Variants in DAZAP1 observed in about 807,000 individuals in gnomAD.
The protein encoded by DAZAP1 is DAZ-associated protein 1.
A neutral mutation model predicts 60.1 loss-of-function variants in DAZAP1; 6 were observed. The ratio of observed to expected loss-of-function variants is 0.10; its 90% CI spans 0.05 to 0.20. The LOEUF (loss-of-function observed/expected upper bound fraction) is 0.20. DAZAP1 is among the 10% of genes least tolerant of loss of function. The pLI, the probability that DAZAP1 is intolerant of heterozygous loss-of-function variation, is 1.00. For synonymous variants in DAZAP1, 235 were observed against 215.9 expected (o/e 1.09, Z -0.78); for missense variants, 366 against 560.4 (o/e 0.65, Z 3.50).
chr19:1,413,651 G>A (rs2144725745), intron 1 of DAZAP1, among the ~76,000 whole-genome samples: 1 of 152,342 alleles, frequency 6.6e-6, no homozygotes, highest in South Asian at 2.1e-4. Flanking sequence ...GAAACACACA[G>A]TGTGGCCGCG....
At chr19:1,421,072 C>T (rs2083141342) in intron 4 of DAZAP1, 76 bp from the exon 5 acceptor site, 5 of 1,372,208 alleles carry the variant, frequency 3.6e-6, no homozygotes, top group East Asian at 4.6e-5. Flanking sequence ...GCGGATTGGC[C>T]TTTATGTCCT....
chr19:1,407,757 TCGCCGCCGC>T lies in DAZAP1; in HGVS notation c.-9_-1del. The T allele has an allele frequency of 3.7e-6, 4 of 1,080,464 alleles. No homozygotes were observed. The highest frequency in any genetic ancestry group is 5.6e-5 in the East Asian group (1 of 17,844). 66.9% of individuals were successfully genotyped at this position (1,080,464 alleles called of 1,614,324 possible). On this transcript the variant is annotated 5_prime_UTR_variant, in exon 1 of 12. Transcript: ENST00000233078. ...CGAGGAGGCCCGGGAGCGCCGAGCG[TCGCCGCCGC>T]CGCCGCCATGAACAACTCGGGCGCC... is the stretch of plus-strand genomic sequence containing the variant.
intron 4 of DAZAP1, among the ~76,000 whole-genome samples, chr19:1,419,547 C>T (rs1366792702): frequency 2.0e-5 from 3 of 152,228 alleles, no homozygotes; most frequent in East Asian, 1.9e-4. Context: ...CAGGGAATCC[C>T]GTGTCATCTG....
rs1344079080 is a variant in DAZAP1, at chr19:1,426,260, C to T, written c.546+300C>T. 7 of 395,124 alleles carry T rather than the reference C, an allele frequency of 1.8e-5. No homozygotes were observed. The highest frequency in any genetic ancestry group is 4.1e-5 in the African/African-American group (2 of 48,650). 24.5% of individuals were successfully genotyped at this position (395,124 alleles called of 1,614,324 possible). ...GGCTGTGGCGGTGTTGGGGCTGGCT[C>T]CAGTGAAACCGCAGCGTTGCCTCAG... On this transcript the variant is annotated intron_variant, in intron 7 of 11. Transcript: ENST00000233078. The surrounding 1 kb of genome is among the most constrained non-coding windows in gnomAD (Gnocchi z 5.4).
Position 1,418,031 on chromosome 19 carries a change from G to C in DAZAP1, c.71-173G>C, listed in dbSNP as rs1485363988. On this transcript the variant is annotated intron_variant, in intron 2 of 11. Coordinates refer to ENST00000233078, the MANE Select transcript of DAZAP1 (RefSeq NM_018959.4). This position sits in a 1 kb window ranked among gnomAD's most constrained non-coding sequence, Gnocchi z 5.7. ...CCCCTGATTTACGTGAGGACCTCAA[G>C]TGTGTGTTGGGCAGAATTCCCCAGC... 6.6e-6 allele frequency among the ~76,000 whole-genome samples: 1 copy of C among 152,196 alleles called. No individual in the cohort carries two copies. Among genetic ancestry groups the C allele is most frequent in the Non-Finnish European group, 1.5e-5 (1 of 68,034 alleles).
Position 1,407,639 on chromosome 19 carries a change from C to T in DAZAP1, c.-135C>T. 3 of 894,774 alleles carry T rather than the reference C, an allele frequency of 3.4e-6. No individual in the cohort carries two copies. The highest frequency in any genetic ancestry group is 4.0e-6 in the Non-Finnish European group (3 of 745,858). 55.4% of individuals were successfully genotyped at this position (894,774 alleles called of 1,614,324 possible). The stretch of plus-strand genomic sequence containing the variant: ...GAGGCAGCCGCCGCCGCCGCCGCCG[C>T]CGCCGCCGCCGCCGCCGCCGCCGTT... On this transcript the variant is annotated 5_prime_UTR_variant, in exon 1 of 12. Coordinates refer to ENST00000233078, the MANE Select transcript of DAZAP1 (RefSeq NM_018959.4).
intron 1 of DAZAP1, among the ~76,000 whole-genome samples, chr19:1,411,206 G>C (rs1429219899): frequency 1.3e-5 from 2 of 152,212 alleles, no homozygotes; most frequent in African/African-American, 4.8e-5. Context: ...GGCTCTCTTG[G>C]TGCATTTGGA....
Position 1,425,174 on chromosome 19 carries a change from A to G in DAZAP1, c.464-704A>G, listed in dbSNP as rs2144853486. On this transcript the variant is annotated intron_variant, in intron 6 of 11. Coordinates refer to ENST00000233078, the MANE Select transcript of DAZAP1 (RefSeq NM_018959.4). This position sits in a 1 kb window ranked among gnomAD's most constrained non-coding sequence, Gnocchi z 5.4. ...GTTTCTCTACCTGTATAGAACATGC[A>G]TAGATGTCTACGATATGACCTCTTC... is the stretch of plus-strand genomic sequence containing the variant. Among the ~76,000 whole-genome samples, 1 of 152,324 alleles carries G rather than the reference A, an allele frequency of 6.6e-6. No homozygotes were observed. The highest frequency in any genetic ancestry group is 1.9e-4 in the East Asian group (1 of 5,182).
intron 10 of DAZAP1, among the ~76,000 whole-genome samples, chr19:1,431,496 C>A (rs1814125792): frequency 6.6e-6 from 1 of 152,038 alleles, no homozygotes; most frequent in Non-Finnish European, 1.5e-5. Context: ...GTGCCCCGAT[C>A]TTGGCTCACT....
rs2083512789 is a variant in DAZAP1 at position 1,433,602 on chromosome 19, C to T, written c.1048+912C>T. 2.9e-6 allele frequency: 2 copies of T among 689,760 alleles called. No homozygotes were observed. Among genetic ancestry groups the T allele is most frequent in the African/African-American group, 1.8e-5 (1 of 55,746 alleles). 42.7% of individuals were successfully genotyped at this position (689,760 alleles called of 1,614,324 possible). ...GGTTGCCGCATGTGTGGGTTCTTGA[C>T]CCACTCACCACCAAACCCTGGCGTG... On this transcript the variant is annotated intron_variant, in intron 11 of 11. Transcript: ENST00000233078. This position sits in a 1 kb window ranked among gnomAD's most constrained non-coding sequence, Gnocchi z 6.1.
In DAZAP1 at chr19:1,422,767, T is replaced by A. The variant is rs2083195138; in HGVS notation, c.463+371T>A. On this transcript the variant is annotated intron_variant, in intron 6 of 11. Transcript: ENST00000233078. This position sits in a 1 kb window ranked among gnomAD's most constrained non-coding sequence, Gnocchi z 4.5. ...GTCTCATTTCGTGTCGTCAGCTGGG[T>A]CAGCTGGCTCGGTGTGGAGTTTGGA... is the stretch of plus-strand genomic sequence containing the variant. 6.6e-6 allele frequency among the ~76,000 whole-genome samples: 1 copy of A among 152,120 alleles called. No homozygotes were observed. Among genetic ancestry groups the A allele is most frequent in the Non-Finnish European group, 1.5e-5 (1 of 68,008 alleles).
chr19:1,408,416 G>A (rs1378004734), intron 1 of DAZAP1, among the ~76,000 whole-genome samples: 1 of 152,358 alleles, frequency 6.6e-6, no homozygotes, highest in East Asian at 1.9e-4. Context: ...GTGGTCCGGG[G>A]CGCCCCCAGC....
chr19:1,408,319 C>T (rs2082724370), intron 1 of DAZAP1, among the ~76,000 whole-genome samples: 1 of 151,608 alleles, frequency 6.6e-6, no homozygotes, highest in Admixed American at 6.6e-5. Context: ...GAATGAGAAC[C>T]TGAGGGAGTC....
At chr19:1,431,795 T>G (rs1296428753) in intron 10 of DAZAP1, among the ~76,000 whole-genome samples, 1 of 152,104 alleles carries the variant, frequency 6.6e-6, no homozygotes, top group Non-Finnish European at 1.5e-5. Context: ...TAGCCAGGGA[T>G]TGCACCTCAC....
At chr19:1,417,185 G>A in intron 1 of DAZAP1, 1 of 418,968 alleles carries the variant, frequency 2.4e-6, no homozygotes, top group Non-Finnish European at 4.3e-6. Context: ...CCACTTGGCA[G>A]CAGTGCAGGT....
intron 10 of DAZAP1, 75 bp downstream of exon 10, chr19:1,430,437 A>C: frequency 7.3e-7 from 1 of 1,364,730 alleles, no homozygotes. Flanking sequence ...GGTGATGGGG[A>C]GTCTTGTGTT....
At chr19:1,420,467 T>C (rs2083122903) in intron 4 of DAZAP1, among the ~76,000 whole-genome samples, 2 of 149,086 alleles carry the variant, frequency 1.3e-5, no homozygotes, top group Non-Finnish European at 3.0e-5. Context: ...ACTTAAAATG[T>C]GATAGCCTTG....
rs1600232153 is a variant in DAZAP1 at position 1,426,980 on chromosome 19, A to G, written c.546+1020A>G. Reference sequence around the variant, plus strand: ...CCTGCCCCTGCCCTCTACCCCAGCCAGAGGTCTTGATAGCAGAACTTTTTT... The same window carrying G: ...CCTGCCCCTGCCCTCTACCCCAGCCGGAGGTCTTGATAGCAGAACTTTTTT... On this transcript the variant is annotated intron_variant, in intron 7 of 11. Coordinates refer to ENST00000233078, the MANE Select transcript of DAZAP1 (RefSeq NM_018959.4). The surrounding 1 kb of genome is among the most constrained non-coding windows in gnomAD (Gnocchi z 5.4). 1 of 152,256 alleles carries G rather than the reference A, an allele frequency of 6.6e-6. No individual in the cohort carries two copies. The highest frequency in any genetic ancestry group is 1.9e-4 in the East Asian group (1 of 5,208). The allele number at this position is 152,256 out of a possible 1,614,324, so 9.4% of individuals were successfully genotyped here.
chr19:1,419,274 TCA>T (rs2083077336), intron 4 of DAZAP1, among the ~76,000 whole-genome samples: 1 of 152,320 alleles, frequency 6.6e-6, no homozygotes, highest in African/African-American at 2.4e-5. Flanking sequence ...CCTGCAGTTC[TCA>T]CACCGGCACC....
Sources: gnomAD v4.1 joint callset for allele counts (sites outside exome capture counted in the v4.1 genomes callset) on GRCh38, gnomAD v4.1.1 for gene constraint, Gnocchi (gnomAD v3.1) non-coding constraint, MANE v1.5 for transcripts, NCBI Gene and HGNC (gene_info 2026-07-23, HGNC 2026-07-21) for gene names.